The following SYTL3 variants were observed in gnomAD, a reference collection of about 807,000 sequenced individuals.
The protein encoded by SYTL3 is synaptotagmin-like protein 3.
Under a neutral mutation model 82.1 loss-of-function variants are expected in SYTL3, and 88 were observed. That is an observed-to-expected ratio of 1.07 (90% CI 0.90 to 1.28). The LOEUF (loss-of-function observed/expected upper bound fraction) is 1.28. Among genes scored for constraint, SYTL3 ranks in the 50% most tolerant of loss-of-function variants. SYTL3 has a pLI of 0.00. For missense variants in SYTL3, 831 were observed against 757.6 expected (o/e 1.10, Z -1.14); for synonymous variants, 311 against 289.4 (o/e 1.07, Z -0.76).
At chr6:158,680,378 G>T (rs1778524372) in intron 5 of SYTL3, among the ~76,000 whole-genome samples, 4 of 152,120 alleles carry the variant, frequency 2.6e-5, no homozygotes, top group Admixed American at 2.6e-4. Flanking sequence ...CCCTGTCTTT[G>T]TAGAGACATA....
intron 8 of SYTL3, among the ~76,000 whole-genome samples, chr6:158,712,785 G>A (rs13205480): frequency 0.11 from 14,967 of 142,178 alleles, 1,003 homozygotes; most frequent in Non-Finnish European, 0.15. Flanking sequence ...TTGAGACAGA[G>A]TCTCGCTCTA....
intron 5 of SYTL3, among the ~76,000 whole-genome samples, chr6:158,680,592 A>AC (rs1308360166): frequency 6.6e-6 from 1 of 151,424 alleles, no homozygotes; most frequent in East Asian, 1.9e-4. Flanking sequence ...AAAAAAAAAA[A>AC]AACACAAAAA....
intron 12 of SYTL3, among the ~76,000 whole-genome samples, chr6:158,747,386 C>G (rs1787800765): frequency 6.6e-6 from 1 of 152,028 alleles, no homozygotes; most frequent in Non-Finnish European, 1.5e-5. Flanking sequence ...GAGACAGGGT[C>G]TTTCTTGCTT....
chr6:158,726,044 T>G, intron 11 of SYTL3: 1 of 575,892 alleles, frequency 1.7e-6, no homozygotes, highest in Non-Finnish European at 3.3e-6. Flanking sequence ...CAATCTCATG[T>G]GTTAAAATCT....
chr6:158,717,959 C>G, intron 9 of SYTL3, 128 bp from the exon 10 acceptor site: 1 of 800,962 alleles, frequency 1.2e-6, no homozygotes, highest in Non-Finnish European at 1.8e-6. Flanking sequence ...CTTGCTCCTC[C>G]GTGCACTTTG....
At chr6:158,764,131 T>C (rs914250965) in intron 17 of SYTL3, among the ~76,000 whole-genome samples, 2 of 152,250 alleles carry the variant, frequency 1.3e-5, no homozygotes, top group African/African-American at 4.8e-5. Flanking sequence ...TAAGAATCCC[T>C]TCCCATGGGC....
upstream of SYTL3, among the ~76,000 whole-genome samples, chr6:158,645,932 T>C (rs1583085349): frequency 6.6e-6 from 1 of 152,128 alleles, no homozygotes; most frequent in Admixed American, 6.5e-5. Flanking sequence ...GACCTCCTCA[T>C]CCTCCACCCC....
At chr6:158,671,463 C>T (rs1777372979) in intron 5 of SYTL3, among the ~76,000 whole-genome samples, 2 of 152,124 alleles carry the variant, frequency 1.3e-5, no homozygotes, top group Admixed American at 6.5e-5. Flanking sequence ...CCAGGGTTCA[C>T]ACCAAGAATG....
chr6:158,694,449 C>T (rs1780349694), intron 6 of SYTL3, among the ~76,000 whole-genome samples: 1 of 151,928 alleles, frequency 6.6e-6, no homozygotes, highest in Non-Finnish European at 1.5e-5. Flanking sequence ...TGCACACCAC[C>T]ACGCCCAGTT....
chr6:158,666,435 A>T (rs1057020849), intron 5 of SYTL3, among the ~76,000 whole-genome samples: 3 of 152,182 alleles, frequency 2.0e-5, no homozygotes, highest in African/African-American at 7.2e-5. Flanking sequence ...TGAAAACGAT[A>T]AAGAGCCAAC....
chr6:158,692,988 G>T (rs995418213), intron 6 of SYTL3, among the ~76,000 whole-genome samples: 4 of 151,850 alleles, frequency 2.6e-5, no homozygotes, highest in Non-Finnish European at 4.4e-5. Context: ...CAGTCAATAC[G>T]TAGCTGACTC....
intron 5 of SYTL3, among the ~76,000 whole-genome samples, chr6:158,666,509 G>A (rs2128371842): frequency 6.6e-6 from 1 of 152,338 alleles, no homozygotes; most frequent in African/African-American, 2.4e-5. Context: ...GAAAACACTA[G>A]AGGGGTGACT....
chr6:158,753,867 C>G (rs1224893901), intron 13 of SYTL3, among the ~76,000 whole-genome samples: 2 of 151,258 alleles, frequency 1.3e-5, no homozygotes, highest in African/African-American at 4.9e-5. Flanking sequence ...ATTTTATAGT[C>G]CTGGGAAACT....
intron 5 of SYTL3, among the ~76,000 whole-genome samples, chr6:158,672,775 G>A (rs1483697230): frequency 6.6e-6 from 1 of 151,922 alleles, no homozygotes; most frequent in African/African-American, 2.4e-5. Flanking sequence ...GAGATTACAG[G>A]TGTGTGTTAC....
chr6:158,725,545 G>T lies in SYTL3; in HGVS notation c.763G>T (p.Asp255Tyr), dbSNP rs553737971. Residue 255 changes from aspartate to tyrosine, a missense_variant, in exon 11 of 18, where the codon GAT becomes TAT. By Grantham distance (160) the Asp-to-Tyr change is radical. Transcript: ENST00000611299. ...PDILKPLNQE[D>Y]PKCSTNPILK... ...TATTCTGAAACCTCTCAATCAAGAG[G>T]ATCCCAAATGCTCTACTAACCCTAT... is the stretch of plus-strand genomic sequence containing the variant. The T allele has an allele frequency of 1.9e-6, 3 of 1,613,982 alleles. No individual in the cohort carries two copies. The highest frequency in any genetic ancestry group is 2.2e-5 in the South Asian group (2 of 91,080).
chr6:158,650,858 C>T (rs193298836), intron 1 of SYTL3, among the ~76,000 whole-genome samples: 11 of 151,540 alleles, frequency 7.3e-5, no homozygotes, highest in African/African-American at 2.7e-4. Flanking sequence ...GGCTGAGGCA[C>T]GAGAATCACT....
chr6:158,757,232 C>A lies in SYTL3; in HGVS notation c.1159C>A (p.Leu387Met), dbSNP rs373629382. The change falls in exon 14 of 18, where the codon CTG becomes ATG. Residue 387 changes from leucine (L) to methionine (M), a missense_variant. Coordinates refer to ENST00000611299, the MANE Select transcript of SYTL3 (RefSeq NM_001242394.2). ...TLKYQVAPAQLVTRQLQVSVW... is the reference protein window; with the variant it reads ...TLKYQVAPAQMVTRQLQVSVW... ...GCAGTATCAGGTGGCCCCTGCCCAGCTGGTGACCCGGCAGCTGCAGGTCTC... is the reference window on the plus strand; with the variant it reads ...GCAGTATCAGGTGGCCCCTGCCCAGATGGTGACCCGGCAGCTGCAGGTCTC... The A allele has an allele frequency of 1.2e-6, 2 of 1,610,910 alleles. No individual in the cohort carries two copies. The highest frequency in any genetic ancestry group is 2.7e-5 in the African/African-American group (2 of 74,734).
At position 158,763,411 on chromosome 6, in the gene SYTL3, C is replaced by T. The variant is rs1790276502; in HGVS notation, c.1625C>T (p.Pro542Leu). ...KHSFVFSGVT[P>L]AQLRQSSLEL... ...TCATTTGTCTTCAGTGGCGTAACCC[C>T]AGCTCAGCTGAGGCAGTCAAGCTTG... The change falls in exon 17 of 18, where the codon CCA (proline) becomes CTA (leucine). Residue 542 changes from proline (P) to leucine (L), a missense_variant. Pro to Leu is a moderately conservative substitution (Grantham distance 98). Coordinates refer to ENST00000611299, the MANE Select transcript of SYTL3 (RefSeq NM_001242394.2). 3 of 1,614,182 alleles carry T rather than the reference C, an allele frequency of 1.9e-6. No individual in the cohort carries two copies. Among genetic ancestry groups the T allele is most frequent in the Non-Finnish European group, 1.7e-6 (2 of 1,179,988 alleles).
intron 11 of SYTL3, among the ~76,000 whole-genome samples, chr6:158,736,071 G>A (rs1209876728): frequency 6.6e-6 from 1 of 152,186 alleles, no homozygotes. Context: ...TGTCAACAAC[G>A]GCCGGGCGCG....
Sources: allele counts gnomAD v4.1 joint callset (sites outside exome capture counted in the v4.1 genomes callset), GRCh38; gene constraint gnomAD v4.1.1; transcripts MANE v1.5; gene names NCBI Gene and HGNC (gene_info 2026-07-23, HGNC 2026-07-21).